Variants in BMAL2 observed in about 807,000 individuals in gnomAD.
The protein encoded by BMAL2 is basic helix-loop-helix ARNT-like protein 2.
the BMAL2 span, among the ~76,000 whole-genome samples, chr12:27,369,879 G>T: frequency 2.0e-5 from 3 of 152,206 alleles, no homozygotes; most frequent in Non-Finnish European, 2.9e-5. Context: ...CAACACTGAA[G>T]ATTATTTAGG....
chr12:27,385,707 G>C, the BMAL2 span: 6 of 576,744 alleles, frequency 1.0e-5, no homozygotes, highest in Admixed American at 3.1e-5. Flanking sequence ...GTTTAAAATA[G>C]AGAAGTAGCC....
the BMAL2 span, among the ~76,000 whole-genome samples, chr12:27,399,111 TGGGAA>T: frequency 0.028 from 4,340 of 152,290 alleles, 94 homozygotes; most frequent in Non-Finnish European, 0.046. Flanking sequence ...ATCTGTGGCC[TGGGAA>T]GGGAGTGGTG....
the BMAL2 span, among the ~76,000 whole-genome samples, chr12:27,405,007 C>A: frequency 6.6e-6 from 1 of 152,186 alleles, no homozygotes; most frequent in African/African-American, 2.4e-5. Flanking sequence ...ATTGCTAGCA[C>A]AGCAGTCTGA....
the BMAL2 span, among the ~76,000 whole-genome samples, chr12:27,369,161 G>A: frequency 4.6e-5 from 7 of 152,184 alleles, no homozygotes; most frequent in Admixed American, 6.5e-5. Flanking sequence ...GCAACTCATC[G>A]TAGGCTGGTA....
chr12:27,403,103 G>C, the BMAL2 span, among the ~76,000 whole-genome samples: 1 of 152,102 alleles, frequency 6.6e-6, no homozygotes, highest in African/African-American at 2.4e-5. Flanking sequence ...GGGAGTTTTT[G>C]CTTATCTGTG....
the BMAL2 span, among the ~76,000 whole-genome samples, chr12:27,357,836 A>G: frequency 9.2e-5 from 14 of 152,166 alleles, no homozygotes. Flanking sequence ...CTGGATTTTC[A>G]TCTCTCACAT....
At chr12:27,420,523 G>C in the BMAL2 span, 10 of 1,588,668 alleles carry the variant, frequency 6.3e-6, no homozygotes, top group Non-Finnish European at 8.5e-6. Context: ...ACATCCAGTG[G>C]ACCCTCTAGC....
chr12:27,397,802 G>A, the BMAL2 span, among the ~76,000 whole-genome samples: 1 of 152,220 alleles, frequency 6.6e-6, no homozygotes, highest in Non-Finnish European at 1.5e-5. Flanking sequence ...TGTCTTAAGT[G>A]TTTCTTAAAT....
At chr12:27,399,342 G>A in the BMAL2 span, among the ~76,000 whole-genome samples, 1 of 152,276 alleles carries the variant, frequency 6.6e-6, no homozygotes, top group African/African-American at 2.4e-5. Context: ...TTTGGTGACA[G>A]AGCACTCACT....
At chr12:27,359,915 G>A in the BMAL2 span, among the ~76,000 whole-genome samples, 14 of 149,718 alleles carry the variant, frequency 9.4e-5, no homozygotes, top group African/African-American at 3.4e-4. Flanking sequence ...TTAGCTGGGT[G>A]TGGTGGGTGT....
chr12:27,404,739 T>C, the BMAL2 span, among the ~76,000 whole-genome samples: 1 of 152,130 alleles, frequency 6.6e-6, no homozygotes, highest in Non-Finnish European at 1.5e-5. Flanking sequence ...CACTGGGGAT[T>C]GTTGGACAGT....
the BMAL2 span, among the ~76,000 whole-genome samples, chr12:27,346,144 A>G: frequency 6.6e-6 from 1 of 152,194 alleles, no homozygotes. Context: ...AATCCAACTC[A>G]TACTAATTTC....
chr12:27,367,087 G>A, the BMAL2 span, among the ~76,000 whole-genome samples: 4 of 152,150 alleles, frequency 2.6e-5, no homozygotes, highest in African/African-American at 9.7e-5. Context: ...CATAGTAAGA[G>A]ATTAACTACA....
the BMAL2 span, among the ~76,000 whole-genome samples, chr12:27,412,696 A>AACAC: frequency 0.022 from 3,335 of 149,990 alleles, 129 homozygotes; most frequent in African/African-American, 0.077. Context: ...TTAAAAACAA[A>AACAC]ACACACACAC....
the BMAL2 span, chr12:27,368,466 G>A: frequency 3.2e-6 from 5 of 1,567,996 alleles, no homozygotes; most frequent in South Asian, 5.6e-5. Flanking sequence ...AGGGAGAAGA[G>A]GAAAATATTC....
At chr12:27,420,024 C>CAG in the BMAL2 span, among the ~76,000 whole-genome samples, 1 of 145,510 alleles carries the variant, frequency 6.9e-6, no homozygotes, top group African/African-American at 2.8e-5. Context: ...CGCGTGCACA[C>CAG]ACACACACAC....
chr12:27,386,975 T>G, the BMAL2 span, among the ~76,000 whole-genome samples: 3 of 152,166 alleles, frequency 2.0e-5, no homozygotes, highest in Admixed American at 2.0e-4. Context: ...AAGAAATGTC[T>G]CAACTAAATA....
the BMAL2 span, chr12:27,423,873 G>A: frequency 6.6e-6 from 1 of 152,146 alleles, no homozygotes; most frequent in Non-Finnish European, 1.5e-5. Context: ...ACCTAGAACT[G>A]TGCTGTCCAG....
chr12:27,384,980 A>T, the BMAL2 span, among the ~76,000 whole-genome samples: 1 of 152,344 alleles, frequency 6.6e-6, no homozygotes, highest in East Asian at 1.9e-4. Context: ...AAGAATTCAC[A>T]ATCTAAAAGA....
Sources: gnomAD v4.1 joint callset for allele counts (sites outside exome capture counted in the v4.1 genomes callset) on GRCh38, gnomAD v4.1.1 for gene constraint, MANE v1.5 for transcripts, NCBI Gene and HGNC (gene_info 2026-07-23, HGNC 2026-07-21) for gene names.